The following TMEM255A variants were observed in gnomAD, a reference collection of about 807,000 sequenced individuals.
The protein encoded by TMEM255A is family with sequence similarity 70, member A.
A neutral mutation model predicts 23.5 loss-of-function variants in TMEM255A; 14 were observed. The ratio of observed to expected loss-of-function variants is 0.60; its 90% CI spans 0.39 to 0.93. TMEM255A has a LOEUF of 0.93. Among genes scored for constraint, TMEM255A ranks in the 40% least tolerant of loss-of-function variants. The pLI is 0.00. For missense variants in TMEM255A, 233 were observed against 261.7 expected, an observed-to-expected ratio of 0.89 and a Z score of 0.76; for synonymous variants, 104 against 100.3, an observed-to-expected ratio of 1.04 and a Z score of -0.22.
chrX:120,278,150 T>G (rs1280652201), intron 6 of TMEM255A, among the ~76,000 whole-genome samples: 1 of 43,169 alleles, frequency 2.3e-5, no homozygotes, highest in Non-Finnish European at 4.2e-5. Context: ...GACCCCGACT[T>G]TCGTTCTCTC....
rs782764122 is a variant in TMEM255A, at chrX:120,277,013, T to C, written c.547A>G (p.Ile183Val). ...VEITGGYYEY[I>V]DVSSCQDIIH... Reference sequence around the variant, plus strand: ...ATATCTTGGCAACTGCTGACATCGATGTATTCGTAGTACCCACCAGTGATC... The same window carrying C: ...ATATCTTGGCAACTGCTGACATCGACGTATTCGTAGTACCCACCAGTGATC... The change falls in exon 7 of 9, where the codon ATC becomes GTC. Residue 183 changes from isoleucine to valine, a missense_variant. Coordinates refer to ENST00000371369, the MANE Select transcript of TMEM255A (RefSeq NM_001104544.3). 4 of 1,208,870 alleles carry C rather than the reference T, an allele frequency of 3.3e-6. No individual in the cohort carries two copies. Among genetic ancestry groups the C allele is most frequent in the African/African-American group, 1.8e-5 (1 of 56,963 alleles).
the TMEM255A span, among the ~76,000 whole-genome samples, chrX:120,251,972 C>T: frequency 0.055 from 6,204 of 112,611 alleles, 165 homozygotes; most frequent in Middle Eastern, 0.18. Flanking sequence ...TCGAAATGCC[C>T]GTATTTCGGA....
At chrX:120,296,916 TTATATATAATATTA>T (rs1457850669) in intron 2 of TMEM255A, among the ~76,000 whole-genome samples, 2 of 2,719 alleles carry the variant, frequency 7.4e-4, no homozygotes, top group Non-Finnish European at 1.1e-3. Flanking sequence ...TATATATATA[TTATATATAATATTA>T]TATATATAAT....
chrX:120,278,064 TCTCCTC>T (rs200609269), intron 6 of TMEM255A, among the ~76,000 whole-genome samples: 2 of 109,147 alleles, frequency 1.8e-5, no homozygotes, highest in African/African-American at 3.4e-5. Flanking sequence ...AAGATCTCGC[TCTCCTC>T]CTCCTCCTCC....
chrX:120,299,392 C>T (rs1287564693), intron 2 of TMEM255A, among the ~76,000 whole-genome samples: 1 of 110,681 alleles, frequency 9.0e-6, no homozygotes, highest in East Asian at 2.8e-4. Flanking sequence ...TCATTGCAGC[C>T]GGCCTCGACC....
chrX:120,293,452 T>C (rs781971644), intron 3 of TMEM255A, among the ~76,000 whole-genome samples: 3 of 112,869 alleles, frequency 2.7e-5, no homozygotes, highest in Non-Finnish European at 5.6e-5. Flanking sequence ...GTAATGGAGA[T>C]ACTTTAGGAT....
At position 120,280,375 on chromosome X, in the gene TMEM255A, A is replaced by G. The variant is rs1396257433; in HGVS notation, c.513-3328T>C. Among the ~76,000 whole-genome samples, 6 of 110,045 alleles carry G rather than the reference A, an allele frequency of 5.5e-5. No homozygotes were observed. In the Admixed American group the frequency reaches 5.9e-4, roughly 11 times the overall value. On this transcript the variant is annotated intron_variant, in intron 6 of 8. Coordinates refer to ENST00000371369, the MANE Select transcript of TMEM255A (RefSeq NM_001104544.3). ...TTAAAATATTCAATAATTTTAGATA[A>G]TATATACTTGGTTTCAGTTTGAGTG... is the stretch of plus-strand genomic sequence containing the variant.
At chrX:120,300,824 C>T (rs1341797978) in intron 2 of TMEM255A, among the ~76,000 whole-genome samples, 1 of 109,780 alleles carries the variant, frequency 9.1e-6, no homozygotes, top group East Asian at 2.8e-4. Flanking sequence ...AAGAGATCCT[C>T]TTACCTCATC....
At chrX:120,309,781 G>A (rs2058087643) in intron 1 of TMEM255A, 1 of 111,932 alleles carries the variant, frequency 8.9e-6, no homozygotes, top group African/African-American at 3.3e-5. Context: ...GTTGGAGAAA[G>A]AGTGCGCGCG....
At chrX:120,309,725 T>TC (rs1319136031) in intron 1 of TMEM255A, among the ~76,000 whole-genome samples, 1 of 111,320 alleles carries the variant, frequency 9.0e-6, no homozygotes, top group African/African-American at 3.3e-5. Context: ...TCTCGCGCTC[T>TC]CTCTCTCTCC....
In TMEM255A at chrX:120,285,649, C is replaced by T. The variant is rs781957954; in HGVS notation, c.424-434G>A. 4.2e-5 allele frequency: 51 copies of T among 1,210,955 alleles called. No individual in the cohort carries two copies. The South Asian group carries it at 9.0e-4, about 21-fold the overall frequency. ...CCTCTCTAGCTGCCTGGGTAAGGTT[C>T]CTCATAACCCTCGTGGAAGGAGAAT... is the stretch of plus-strand genomic sequence containing the variant. On this transcript the variant is annotated intron_variant, in intron 5 of 8. Transcript: ENST00000371369.
At chrX:120,265,576 C>T (rs926145824) in intron 8 of TMEM255A, among the ~76,000 whole-genome samples, 3 of 111,768 alleles carry the variant, frequency 2.7e-5, no homozygotes, top group Non-Finnish European at 5.6e-5. Flanking sequence ...GGGGAAAGAG[C>T]TGTGCTCCGC....
chrX:120,272,740 ATT>A (rs781928518), intron 7 of TMEM255A, among the ~76,000 whole-genome samples: 119 of 80,961 alleles, frequency 1.5e-3, no homozygotes, highest in African/African-American at 5.1e-3. Context: ...GTCTTGGGCT[ATT>A]TTTTTTTTTT....
chrX:120,293,096 A>G (rs782255559), intron 3 of TMEM255A, among the ~76,000 whole-genome samples: 1 of 112,249 alleles, frequency 8.9e-6, no homozygotes, highest in Admixed American at 9.4e-5. Flanking sequence ...GGGAAAACAT[A>G]TGGTTAGAGT....
intron 8 of TMEM255A, among the ~76,000 whole-genome samples, chrX:120,262,045 T>C (rs2057684276): frequency 8.9e-6 from 1 of 112,032 alleles, no homozygotes; most frequent in Admixed American, 9.5e-5. Flanking sequence ...ATCCCAGCAC[T>C]GTAGGAGGCT....
At chrX:120,297,134 TTA>T (rs1394513165) in intron 2 of TMEM255A, among the ~76,000 whole-genome samples, 1 of 42,447 alleles carries the variant, frequency 2.4e-5, no homozygotes, top group Non-Finnish European at 3.7e-5. Flanking sequence ...ATATATAATA[TTA>T]TATATATTAT....
chrX:120,263,535 C>G (rs1556016991), intron 8 of TMEM255A, among the ~76,000 whole-genome samples: 1 of 111,546 alleles, frequency 9.0e-6, no homozygotes. Flanking sequence ...GCATTTCCGT[C>G]AGGGCATGCT....
At position 120,310,041 on chromosome X, in the gene TMEM255A, T is replaced by C. The variant is rs374985527; in HGVS notation, c.58+1211A>G. ...TTCTGCGGGCAGTAGGGAGATTATA[T>C]AGGGGGTTCGATCTTCTCCCTGCCC... On this transcript the variant is annotated intron_variant, in intron 1 of 8. Coordinates refer to ENST00000371369, the MANE Select transcript of TMEM255A (RefSeq NM_001104544.3). 2.7e-5 allele frequency: 3 copies of C among 110,887 alleles called. No individual in the cohort carries two copies. The East Asian group carries it at 8.5e-4, about 32-fold the overall frequency. The allele number at this position is 110,887 out of a possible 1,213,427, so 9.1% of individuals were successfully genotyped here.
intron 2 of TMEM255A, among the ~76,000 whole-genome samples, chrX:120,296,789 AT>A (rs1556024296): frequency 2.6e-4 from 3 of 11,521 alleles, no homozygotes; most frequent in African/African-American, 7.5e-4. Flanking sequence ...TATATCATAT[AT>A]AATATATATG....
Sources: allele counts gnomAD v4.1 joint callset (sites outside exome capture counted in the v4.1 genomes callset), GRCh38; gene constraint gnomAD v4.1.1; transcripts MANE v1.5; gene names NCBI Gene and HGNC (gene_info 2026-07-23, HGNC 2026-07-21).